Variants in SLC37A3 observed in about 807,000 individuals in gnomAD.
The protein encoded by SLC37A3 is sugar phosphate exchanger 3.
Under a neutral mutation model 67.1 loss-of-function variants are expected in SLC37A3, and 51 were observed. The ratio of observed to expected loss-of-function variants is 0.76; its 90% CI spans 0.61 to 0.96. SLC37A3 has a LOEUF of 0.96. SLC37A3 is among the 40% of genes least tolerant of loss of function. SLC37A3 has a pLI of 0.00. For synonymous variants in SLC37A3, 214 were observed against 231.4 expected, an observed-to-expected ratio of 0.92 and a Z score of 0.68; for missense variants, 508 against 603.0, an observed-to-expected ratio of 0.84 and a Z score of 1.65.
chr7:140,396,733 C>CT (rs1798940181), intron 1 of SLC37A3, among the ~76,000 whole-genome samples: 1 of 152,104 alleles, frequency 6.6e-6, no homozygotes. Flanking sequence ...GTTGACTTAA[C>CT]TTTTATAAAA....
chr7:140,354,138 G>A (rs560206530), intron 7 of SLC37A3, among the ~76,000 whole-genome samples: 12 of 152,322 alleles, frequency 7.9e-5, no homozygotes, highest in Admixed American at 2.6e-4. Context: ...GTCCCTGTTC[G>A]CTGACAGTTG....
Position 140,355,736 on chromosome 7 carries a change from C to T in SLC37A3, c.550G>A (p.Ala184Thr). The change falls in exon 7 of 15, where the codon GCC becomes ACC. Residue 184 changes from alanine to threonine, a missense_variant. Physicochemically the swap from Ala to Thr is moderately conservative, Grantham distance 58. Coordinates refer to ENST00000326232, the MANE Select transcript of SLC37A3 (RefSeq NM_207113.3). ...AAAATGTTGCCCACCGAAGCACAGG[C>T]ACTCCAGAGACCAAAAACAACTCCT... Reference protein sequence around the residue: ...GRGVVFGLWSACASVGNILGA... With the variant: ...GRGVVFGLWSTCASVGNILGA... The T allele has an allele frequency of 1.2e-6, 2 of 1,613,908 alleles. No individual in the cohort carries two copies. Among genetic ancestry groups the T allele is most frequent in the Non-Finnish European group, 1.7e-6 (2 of 1,179,908 alleles).
At chr7:140,392,262 C>T (rs988482855) in intron 1 of SLC37A3, among the ~76,000 whole-genome samples, 8 of 152,218 alleles carry the variant, frequency 5.3e-5, no homozygotes, top group African/African-American at 1.4e-4. Context: ...CTGCAACAAC[C>T]CTTGGTATTC....
intron 4 of SLC37A3, among the ~76,000 whole-genome samples, chr7:140,367,514 C>A (rs1797650173): frequency 6.6e-6 from 1 of 152,156 alleles, no homozygotes; most frequent in Non-Finnish European, 1.5e-5. Context: ...TACTTCAGAA[C>A]TTTTACCCAG....
chr7:140,378,896 A>G (rs1189008937), intron 3 of SLC37A3, among the ~76,000 whole-genome samples: 1 of 150,264 alleles, frequency 6.7e-6, no homozygotes, highest in Non-Finnish European at 1.5e-5. Flanking sequence ...AAAATACAAA[A>G]ATTAGCCAGG....
intron 5 of SLC37A3, among the ~76,000 whole-genome samples, chr7:140,361,596 C>T (rs1331406789): frequency 2.1e-5 from 3 of 144,498 alleles, no homozygotes; most frequent in African/African-American, 5.1e-5. Context: ...CCTCTGATGC[C>T]GAGCCAAAGC....
chr7:140,395,399 AAAAAG>A (rs1467601947), intron 1 of SLC37A3, among the ~76,000 whole-genome samples: 369 of 144,414 alleles, frequency 2.6e-3, no homozygotes, highest in Non-Finnish European at 4.5e-3. Context: ...AAAAAAAAAA[AAAAAG>A]AGCTATAAAA....
In SLC37A3 at chr7:140,386,584, C is replaced by T. The variant is rs533152045; in HGVS notation, c.-70-3988G>A. 2.0e-5 allele frequency among the ~76,000 whole-genome samples: 3 copies of T among 152,158 alleles called. No individual in the cohort carries two copies. In the East Asian group the frequency reaches 5.8e-4, roughly 29 times the overall value. ...TTGTCAAGTCTGAGTCCATCAAGCA[C>T]ATCCTACTTTTTGAAGAATACTCTC... On this transcript the variant is annotated intron_variant, in intron 1 of 14. Coordinates refer to ENST00000326232, the MANE Select transcript of SLC37A3 (RefSeq NM_207113.3).
chr7:140,349,541 G>A (rs111272728), intron 9 of SLC37A3, among the ~76,000 whole-genome samples: 181 of 151,272 alleles, frequency 1.2e-3, no homozygotes, highest in Non-Finnish European at 2.1e-3. Context: ...AGGAAAAAGG[G>A]GGGGGGGACA....
chr7:140,397,136 G>C (rs567170726), intron 1 of SLC37A3, among the ~76,000 whole-genome samples: 1 of 145,338 alleles, frequency 6.9e-6, no homozygotes, highest in South Asian at 2.2e-4. Context: ...GGAGGCGGAG[G>C]TTGCAGTGAG....
chr7:140,379,894 TAAA>T (rs34577025), intron 3 of SLC37A3: 3 of 138,602 alleles, frequency 2.2e-5, no homozygotes, highest in Admixed American at 7.3e-5. Context: ...ATACTCTGTT[TAAA>T]AAAAAAAAAA....
chr7:140,354,250 G>A (rs1175646345), intron 7 of SLC37A3, among the ~76,000 whole-genome samples: 1 of 152,150 alleles, frequency 6.6e-6, no homozygotes, highest in Non-Finnish European at 1.5e-5. Flanking sequence ...ATAATTCCTG[G>A]AGGTGGAACT....
intron 3 of SLC37A3, among the ~76,000 whole-genome samples, chr7:140,373,637 G>A (rs1011012316): frequency 1.3e-5 from 2 of 151,606 alleles, no homozygotes; most frequent in African/African-American, 4.8e-5. Context: ...ACCTGTGAAA[G>A]GCCAAATTTT....
chr7:140,336,150 G>C (rs1796122650), intron 14 of SLC37A3, among the ~76,000 whole-genome samples: 1 of 152,230 alleles, frequency 6.6e-6, no homozygotes, highest in African/African-American at 2.4e-5. Flanking sequence ...TAACGTGCCT[G>C]AGTATGTCAC....
chr7:140,378,410 C>A (rs1046765356), intron 3 of SLC37A3, among the ~76,000 whole-genome samples: 2 of 152,146 alleles, frequency 1.3e-5, no homozygotes, highest in South Asian at 2.1e-4. Context: ...GGTTAGGGTA[C>A]GTGATCTCTC....
chr7:140,382,048 A>T lies in SLC37A3; in HGVS notation c.89+390T>A, dbSNP rs550717344. On this transcript the variant is annotated intron_variant, in intron 2 of 14. Coordinates refer to ENST00000326232, the MANE Select transcript of SLC37A3 (RefSeq NM_207113.3). ...AAAAAAAAGTGAGATATGTTTTTTA[A>T]AAAAAAAAAAGTACAAAATAAAAAA... is the stretch of plus-strand genomic sequence containing the variant. 2.9e-3 allele frequency among the ~76,000 whole-genome samples: 436 copies of T among 149,458 alleles called. 6 individuals carry two copies. Among genetic ancestry groups the T allele is most frequent in the African/African-American group, 8.7e-3 (355 of 40,868 alleles).
intron 1 of SLC37A3, among the ~76,000 whole-genome samples, chr7:140,392,734 T>C (rs1798769166): frequency 6.6e-6 from 1 of 152,164 alleles, no homozygotes; most frequent in Admixed American, 6.5e-5. Flanking sequence ...ATATCTAAAC[T>C]GCAGAGGTTG....
rs1313014634 is a variant in SLC37A3 at position 140,362,754 on chromosome 7, C to T, written c.375+1654G>A. 4.0e-3 allele frequency among the ~76,000 whole-genome samples: 370 copies of T among 93,454 alleles called. 8 individuals carry two copies. The highest frequency in any genetic ancestry group is 0.011 in the Admixed American group (116 of 10,508). The allele number at this position is 93,454 out of a possible 152,430, so 61.3% of individuals were successfully genotyped here. On this transcript the variant is annotated intron_variant, in intron 5 of 14. Transcript: ENST00000326232. The stretch of plus-strand genomic sequence containing the variant: ...GGGGTCAGCCCCCCACCCGGCCAGC[C>T]GCCCCGTCCGGGAGGGAGGTGGGGG...
chr7:140,369,461 A>G (rs983224224), intron 4 of SLC37A3, 129 bp downstream of exon 4: 11 of 650,310 alleles, frequency 1.7e-5, no homozygotes, highest in Non-Finnish European at 2.3e-5. Flanking sequence ...AACAAACAAT[A>G]TAAACTTCAG....
Sources: gnomAD v4.1 joint callset for allele counts (sites outside exome capture counted in the v4.1 genomes callset) on GRCh38, gnomAD v4.1.1 for gene constraint, MANE v1.5 for transcripts, NCBI Gene and HGNC (gene_info 2026-07-23, HGNC 2026-07-21) for gene names.